SNTG1: variants seen among roughly 807,000 people sequenced by gnomAD.
SNTG1 encodes syntrophin gamma 1.
SNTG1 carries 39 observed loss-of-function variants against 74.7 expected under a neutral mutation model. The observed-to-expected ratio is 0.52, with a 90% CI of 0.40 to 0.68. SNTG1 has a LOEUF of 0.68. SNTG1 is among the 30% of genes least tolerant of loss of function. The pLI is 0.00. For missense variants in SNTG1, 685 were observed against 609.5 expected (o/e 1.12, Z -1.30); for synonymous variants, 254 against 217.1 (o/e 1.17, Z -1.49).
chr8:49,995,688 C>G (rs1814141176), intron 1 of SNTG1, among the ~76,000 whole-genome samples: 1 of 152,206 alleles, frequency 6.6e-6, no homozygotes, highest in Non-Finnish European at 1.5e-5. Flanking sequence ...GCATTGGAAT[C>G]TCTGCTCATT....
At chr8:49,955,691 C>T (rs953433969) in intron 1 of SNTG1, among the ~76,000 whole-genome samples, 3 of 152,194 alleles carry the variant, frequency 2.0e-5, no homozygotes, top group African/African-American at 7.2e-5. Context: ...CAGTACTCTC[C>T]TCAGTAAAAG....
intron 2 of SNTG1, among the ~76,000 whole-genome samples, chr8:50,280,993 A>G (rs1006044783): frequency 3.1e-4 from 47 of 151,282 alleles, no homozygotes; most frequent in African/African-American, 1.1e-3. Context: ...CTCAAAAAAA[A>G]AAAAAAAAAA....
intron 2 of SNTG1, among the ~76,000 whole-genome samples, chr8:50,190,217 G>T (rs2083519069): frequency 6.6e-6 from 1 of 152,076 alleles, no homozygotes; most frequent in Admixed American, 6.6e-5. Flanking sequence ...CCAGCATTCT[G>T]CTTCTGATTC....
At chr8:50,489,657 G>A (rs563500851) in intron 8 of SNTG1, among the ~76,000 whole-genome samples, 14 of 151,496 alleles carry the variant, frequency 9.2e-5, no homozygotes, top group Admixed American at 7.2e-4. Context: ...TAAGCTCTTT[G>A]TAGATTCAGG....
At chr8:50,239,547 A>T (rs1433214284) in intron 2 of SNTG1, among the ~76,000 whole-genome samples, 1 of 152,156 alleles carries the variant, frequency 6.6e-6, no homozygotes, top group Non-Finnish European at 1.5e-5. Context: ...TAATCCAATT[A>T]CTCAGTTGTA....
chr8:50,754,132 C>T (rs1039423344), intron 18 of SNTG1, among the ~76,000 whole-genome samples: 4 of 151,980 alleles, frequency 2.6e-5, no homozygotes, highest in Non-Finnish European at 4.4e-5. Flanking sequence ...AACATACCAT[C>T]ACAGGAGCAA....
chr8:50,526,324 G>A (rs547488373), intron 9 of SNTG1, among the ~76,000 whole-genome samples: 19 of 152,238 alleles, frequency 1.2e-4, no homozygotes, highest in Admixed American at 1.2e-3. Flanking sequence ...TCTAGAGAGT[G>A]GCTGCAAGTT....
At chr8:50,601,950 GT>G (rs1197111121) in intron 13 of SNTG1, among the ~76,000 whole-genome samples, 1 of 151,758 alleles carries the variant, frequency 6.6e-6, no homozygotes, top group Non-Finnish European at 1.5e-5. Flanking sequence ...GCTATTTTTT[GT>G]TTCAATTAGC....
chr8:50,417,636 T>C (rs894263934), intron 4 of SNTG1, among the ~76,000 whole-genome samples: 4 of 152,104 alleles, frequency 2.6e-5, no homozygotes, highest in Admixed American at 1.3e-4. Context: ...TTCAGTCCCT[T>C]GCTCCCTTAG....
rs191077856 is a variant in SNTG1 at position 50,688,973 on chromosome 8, A to G, written c.1039-15627A>G. Among the ~76,000 whole-genome samples, 834 of 152,208 alleles carry G rather than the reference A, an allele frequency of 5.5e-3. 6 individuals carry two copies. Among genetic ancestry groups the G allele is most frequent in the African/African-American group, 0.019 (801 of 41,522 alleles). ...AGTTCTCCTTGACTAGGTCCTTCAC[A>G]TCCCTTGTAAATTGGATTCCTAGGT... On this transcript the variant is annotated intron_variant, in intron 15 of 18. Transcript: ENST00000642720.
At chr8:50,749,785 C>T (rs542614302) in intron 17 of SNTG1, among the ~76,000 whole-genome samples, 18 of 151,980 alleles carry the variant, frequency 1.2e-4, no homozygotes, top group Admixed American at 3.3e-4. Flanking sequence ...CCCACTGCTT[C>T]GAAAAAACAA....
intron 1 of SNTG1, among the ~76,000 whole-genome samples, chr8:49,929,228 A>T (rs1424624122): frequency 6.6e-6 from 1 of 152,166 alleles, no homozygotes; most frequent in African/African-American, 2.4e-5. Flanking sequence ...TTCCTAGAAA[A>T]ATATAATTCA....
intron 2 of SNTG1, among the ~76,000 whole-genome samples, chr8:50,373,514 TTTA>T (rs1156259003): frequency 2.6e-5 from 4 of 152,158 alleles, no homozygotes; most frequent in African/African-American, 9.7e-5. Flanking sequence ...TTTGTAAAAG[TTTA>T]TTAAGTAGTA....
intron 9 of SNTG1, among the ~76,000 whole-genome samples, chr8:50,527,973 CA>C (rs200796203): frequency 0.037 from 5,693 of 151,848 alleles, 368 homozygotes; most frequent in African/African-American, 0.13. Context: ...TTATTGCCAA[CA>C]CATAAAATAT....
intron 3 of SNTG1, among the ~76,000 whole-genome samples, chr8:50,400,806 G>C (rs2092793890): frequency 6.6e-6 from 1 of 152,118 alleles, no homozygotes; most frequent in African/African-American, 2.4e-5. Context: ...GTGCATGGAA[G>C]GGTCAGAATC....
intron 2 of SNTG1, among the ~76,000 whole-genome samples, chr8:50,342,225 G>T (rs1231040950): frequency 2.0e-5 from 3 of 152,146 alleles, no homozygotes; most frequent in Middle Eastern, 3.4e-3. Context: ...ATAATATCAT[G>T]CACCCTTTTA....
At chr8:50,192,280 A>G (rs891532676) in intron 2 of SNTG1, among the ~76,000 whole-genome samples, 1 of 152,082 alleles carries the variant, frequency 6.6e-6, no homozygotes, top group Admixed American at 6.6e-5. Context: ...TGGCTCAACA[A>G]CTCATCTGCT....
At chr8:50,274,610 C>T (rs2087988293) in intron 2 of SNTG1, among the ~76,000 whole-genome samples, 1 of 152,138 alleles carries the variant, frequency 6.6e-6, no homozygotes, top group Admixed American at 6.5e-5. Flanking sequence ...GGAGAGAGGA[C>T]ATTCTTCCCT....
At chr8:50,023,156 T>C (rs1816970884) in intron 1 of SNTG1, among the ~76,000 whole-genome samples, 2 of 152,100 alleles carry the variant, frequency 1.3e-5, no homozygotes, top group Non-Finnish European at 2.9e-5. Context: ...GTTTGTTTGA[T>C]ATCCATCGAC....
Sources: gnomAD v4.1 joint callset for allele counts (sites outside exome capture counted in the v4.1 genomes callset) on GRCh38, gnomAD v4.1.1 for gene constraint, MANE v1.5 for transcripts, NCBI Gene and HGNC (gene_info 2026-07-23, HGNC 2026-07-21) for gene names.